Variants in MICAL3 observed in about 807,000 individuals in gnomAD.
MICAL3 encodes [F-actin]-monooxygenase MICAL3.
A neutral mutation model predicts 207.4 loss-of-function variants in MICAL3; 62 were observed. That is an observed-to-expected ratio of 0.30 (90% CI 0.24 to 0.37). MICAL3 has a LOEUF of 0.37. Among genes scored for constraint, MICAL3 ranks in the 10% least tolerant of loss-of-function variants. MICAL3 has a pLI of 1.00. For synonymous variants in MICAL3, 1,077 were observed against 1,069.3 expected, an observed-to-expected ratio of 1.01 and a Z score of -0.14; for missense variants, 2,368 against 2,635.6, an observed-to-expected ratio of 0.90 and a Z score of 2.22.
chr22:17,832,020 C>A lies in MICAL3; in HGVS notation c.2889G>T (p.Trp963Cys). 1 of 1,606,592 alleles carries A rather than the reference C, an allele frequency of 6.2e-7. No homozygotes were observed. The highest frequency in any genetic ancestry group is 8.5e-7 in the Non-Finnish European group (1 of 1,176,652). ...LPPSDLGGVP[W>C]KEAVRIHALL... The stretch of plus-strand genomic sequence containing the variant: ...GGGCATGGATCCGCACGGCCTCCTT[C>A]CACGGAACACCACCCAGGTCAGATG... Residue 963 changes from tryptophan to cysteine, a missense_variant, in exon 21 of 32, where the codon TGG (tryptophan) becomes TGT (cysteine). Physicochemically the swap from Trp to Cys is radical, Grantham distance 215 (BLOSUM62 -2). Transcript: ENST00000441493.
chr22:17,945,070 T>C (rs991648646), intron 1 of MICAL3, among the ~76,000 whole-genome samples: 14 of 149,206 alleles, frequency 9.4e-5, no homozygotes, highest in Admixed American at 3.4e-4. Flanking sequence ...CCAATAAATA[T>C]AGGGTCTAAT....
rs952891910 is a variant in MICAL3, at chr22:17,944,613, G to C, written c.-74-37727C>G. Among the ~76,000 whole-genome samples the C allele has an allele frequency of 3.3e-5, 5 of 152,182 alleles. No individual in the cohort carries two copies. In the East Asian group the frequency reaches 5.8e-4, roughly 18 times the overall value. ...GCCTCCTGAGAACCCAGCAGTGCCA[G>C]GCAGCAGTGAGCACACGCACCCACT... On this transcript the variant is annotated intron_variant, in intron 1 of 31. Coordinates refer to ENST00000441493, the MANE Select transcript of MICAL3 (RefSeq NM_015241.3).
chr22:17,931,329 A>C (rs1933253947), intron 1 of MICAL3, among the ~76,000 whole-genome samples: 1 of 152,260 alleles, frequency 6.6e-6, no homozygotes, highest in African/African-American at 2.4e-5. Flanking sequence ...CCACAAGGGT[A>C]TCGCATAAGT....
intron 1 of MICAL3, among the ~76,000 whole-genome samples, chr22:17,992,965 T>C (rs1006748139): frequency 2.0e-5 from 3 of 152,206 alleles, no homozygotes; most frequent in South Asian, 2.1e-4. Context: ...ATCACTGTTA[T>C]GACTTTCTTA....
intron 1 of MICAL3, among the ~76,000 whole-genome samples, chr22:17,959,108 C>T (rs1212604154): frequency 1.3e-5 from 2 of 148,652 alleles, no homozygotes; most frequent in African/African-American, 2.5e-5. Flanking sequence ...CTCCGCCTCC[C>T]GGGTTCACGC....
intron 29 of MICAL3, among the ~76,000 whole-genome samples, chr22:17,804,600 C>T (rs1400036993): frequency 6.6e-6 from 1 of 152,186 alleles, no homozygotes; most frequent in Non-Finnish European, 1.5e-5. Context: ...GCTGTCTGGC[C>T]AAGAGCGCTA....
intron 5 of MICAL3, among the ~76,000 whole-genome samples, chr22:17,901,377 T>A (rs1319637025): frequency 2.0e-5 from 3 of 152,114 alleles, no homozygotes; most frequent in African/African-American, 7.2e-5. Context: ...GAGTGCCCTG[T>A]AAGCAGCAGC....
chr22:17,919,341 C>T (rs376113619), intron 1 of MICAL3, among the ~76,000 whole-genome samples: 1 of 152,180 alleles, frequency 6.6e-6, no homozygotes, highest in African/African-American at 2.4e-5. Flanking sequence ...CAGGTGTGAG[C>T]CACCACACTC....
chr22:17,844,910 G>A (rs1924471317), intron 19 of MICAL3, among the ~76,000 whole-genome samples: 2 of 152,164 alleles, frequency 1.3e-5, no homozygotes, highest in Non-Finnish European at 2.9e-5. Flanking sequence ...GCCTGGGACA[G>A]CAAAGGCCCT....
intron 24 of MICAL3, 102 bp downstream of exon 24, chr22:17,821,928 C>G: frequency 6.9e-7 from 1 of 1,440,292 alleles, no homozygotes; most frequent in Non-Finnish European, 9.5e-7. Flanking sequence ...TGGTGTGCAC[C>G]ATGGCTCTGC....
chr22:17,904,551 A>C (rs1387417710), intron 3 of MICAL3, 81 bp downstream of exon 3: 1 of 1,063,206 alleles, frequency 9.4e-7, no homozygotes, highest in Non-Finnish European at 1.5e-6. Context: ...TGAATTCCTC[A>C]GCTAATCTGC....
At chr22:17,828,994 T>C (rs1341958775) in intron 21 of MICAL3, among the ~76,000 whole-genome samples, 3 of 152,208 alleles carry the variant, frequency 2.0e-5, no homozygotes, top group Non-Finnish European at 4.4e-5. Flanking sequence ...GCTGGCCCTG[T>C]GCTCTGCCGT....
At chr22:17,910,286 G>A (rs1026230470) in intron 1 of MICAL3, among the ~76,000 whole-genome samples, 6 of 152,270 alleles carry the variant, frequency 3.9e-5, no homozygotes, top group African/African-American at 1.4e-4. Flanking sequence ...TTACGTGTGA[G>A]CTAACAACCC....
At chr22:17,810,225 G>T (rs1181707679) in intron 28 of MICAL3, among the ~76,000 whole-genome samples, 1 of 151,948 alleles carries the variant, frequency 6.6e-6, no homozygotes, top group African/African-American at 2.4e-5. Context: ...ACCACGCCTG[G>T]CTAATTTTTT....
intron 1 of MICAL3, among the ~76,000 whole-genome samples, chr22:18,009,044 T>C (rs1392124617): frequency 1.3e-5 from 2 of 152,124 alleles, no homozygotes; most frequent in Non-Finnish European, 2.9e-5. Context: ...GGCATGTGTA[T>C]GTTCAGCAGT....
In MICAL3 at chr22:17,861,135, TG is replaced by T. The variant is rs1926476449; in HGVS notation, c.2605+3763del. 5.1e-6 allele frequency: 5 copies of T among 985,322 alleles called. No individual in the cohort carries two copies. In the African/African-American group the frequency reaches 7.0e-5, roughly 14 times the overall value. 61.0% of individuals were successfully genotyped at this position (985,322 alleles called of 1,614,324 possible). A position where few individuals can be genotyped will look rare whatever the true frequency, so the allele number is the denominator to read the frequency against. ...TAAATGCCTAGAAGGGAAGGGGACG[TG>T]GGAAGCAGTAAGACTTCCGAACTTC... On this transcript the variant is annotated intron_variant, in intron 19 of 31. Transcript: ENST00000441493.
intron 1 of MICAL3, among the ~76,000 whole-genome samples, chr22:17,985,121 GTC>G (rs1491175482): frequency 0.31 from 46,452 of 152,134 alleles, 7,360 homozygotes; most frequent in East Asian, 0.51. Context: ...AGTTGAGGGA[GTC>G]TGCATGCAAT....
chr22:17,809,271 C>T (rs554985666), intron 28 of MICAL3, among the ~76,000 whole-genome samples: 5 of 152,332 alleles, frequency 3.3e-5, no homozygotes, highest in East Asian at 1.9e-4. Flanking sequence ...ACTGTTCTCA[C>T]GGCAAGACTG....
At chr22:17,830,481 C>CTT (rs1366045581) in intron 21 of MICAL3, among the ~76,000 whole-genome samples, 1 of 152,272 alleles carries the variant, frequency 6.6e-6, no homozygotes. Flanking sequence ...CGACCCGAAG[C>CTT]TGTGCCAGGG....
Sources: gnomAD v4.1 joint callset for allele counts (sites outside exome capture counted in the v4.1 genomes callset) on GRCh38, gnomAD v4.1.1 for gene constraint, MANE v1.5 for transcripts, NCBI Gene and HGNC (gene_info 2026-07-23, HGNC 2026-07-21) for gene names.